IQCH: variants seen among roughly 807,000 people sequenced by gnomAD.
IQCH encodes the protein IQ motif containing H.
In IQCH, 98 loss-of-function variants were observed where a neutral mutation model predicts 117.0. The ratio of observed to expected loss-of-function variants is 0.84; its 90% CI spans 0.71 to 0.99. IQCH has a LOEUF of 0.99. Among genes scored for constraint, IQCH ranks in the 50% least tolerant of loss-of-function variants. The probability of loss-of-function intolerance (pLI) is 0.00; values close to 1 mark genes in which losing one functional copy is unlikely to be tolerated. For missense variants in IQCH, 1,102 were observed against 1,243.8 expected (o/e 0.89, Z 1.72); for synonymous variants, 412 against 448.2 (o/e 0.92, Z 1.02).
chr15:67,379,033 C>G (rs1470127246), intron 10 of IQCH, among the ~76,000 whole-genome samples: 1 of 152,062 alleles, frequency 6.6e-6, no homozygotes, highest in African/African-American at 2.4e-5. Context: ...ACTACCAACA[C>G]TAATCTAAAT....
intron 1 of IQCH, among the ~76,000 whole-genome samples, chr15:67,256,012 T>C (rs1965169616): frequency 6.6e-6 from 1 of 151,946 alleles, no homozygotes; most frequent in African/African-American, 2.4e-5. Context: ...AGTTCAGGGG[T>C]CCCCAGAACC....
At chr15:67,347,977 A>G (rs1596232346) in intron 6 of IQCH, among the ~76,000 whole-genome samples, 1 of 151,026 alleles carries the variant, frequency 6.6e-6, no homozygotes, top group Non-Finnish European at 1.5e-5. Flanking sequence ...GGCTGTTTCA[A>G]CATTTAAATA....
rs1167269414 is a variant in IQCH, at chr15:67,493,862, A to G, written c.2862-396A>G. 6.6e-6 allele frequency among the ~76,000 whole-genome samples: 1 copy of G among 152,044 alleles called. No individual in the cohort carries two copies. The highest frequency in any genetic ancestry group is 1.5e-5 in the Non-Finnish European group (1 of 68,002). Reference sequence around the variant, plus strand: ...TGTGATGTTCCCTACCCTGTGTCCAAGTGTTCTCACTGTTCAGTTCCCACC... The same window carrying G: ...TGTGATGTTCCCTACCCTGTGTCCAGGTGTTCTCACTGTTCAGTTCCCACC... On this transcript the variant is annotated intron_variant, in intron 19 of 20. Coordinates refer to ENST00000335894, the MANE Select transcript of IQCH (RefSeq NM_001031715.3). The surrounding 1 kb of genome is among the most constrained non-coding windows in gnomAD (Gnocchi z 5.1).
rs118188353 is a variant in IQCH, at chr15:67,323,175, T to C, written c.388-13800T>C. The stretch of plus-strand genomic sequence containing the variant: ...TGCCACTATCACAACTATCTTTCTA[T>C]TTGTTTTCTATTTATCCCATCCATT... On this transcript the variant is annotated intron_variant, in intron 4 of 20. Transcript: ENST00000335894. Among the ~76,000 whole-genome samples the C allele has an allele frequency of 4.6e-5, 7 of 152,236 alleles. No individual in the cohort carries two copies. The East Asian group carries it at 1.2e-3, about 25-fold the overall frequency.
intron 3 of IQCH, among the ~76,000 whole-genome samples, chr15:67,270,375 T>G (rs898960682): frequency 3.9e-5 from 6 of 152,228 alleles, no homozygotes; most frequent in Non-Finnish European, 7.3e-5. Flanking sequence ...ATGGCATTTA[T>G]TATTTTCAGG....
rs753591951 is a variant in IQCH at position 67,475,804 on chromosome 15, G to A, written c.2785G>A (p.Gly929Ser). 6.2e-7 allele frequency: 1 copy of A among 1,614,082 alleles called. No individual in the cohort carries two copies. The highest frequency in any genetic ancestry group is 1.7e-5 in the Admixed American group (1 of 60,020). Residue 929 changes from glycine to serine, a missense_variant, in exon 18 of 21, where the codon GGC becomes AGC. Physicochemically the swap from Gly to Ser is moderately conservative, Grantham distance 56. This residue lies in a region of IQCH where 650 missense variants were observed against 794.3 expected (regional missense o/e 0.82). Coordinates refer to ENST00000335894, the MANE Select transcript of IQCH (RefSeq NM_001031715.3). This position sits in a 1 kb window ranked among gnomAD's most constrained non-coding sequence, Gnocchi z 5.7. ...FLQICRAHGI[G>S]YDVEERQGTV... The stretch of plus-strand genomic sequence containing the variant: ...CCAGATCTGTAGGGCCCATGGCATT[G>A]GCTATGATGTTGAGGTATGAAGGGT...
chr15:67,350,758 G>T (rs1353338312), intron 6 of IQCH, among the ~76,000 whole-genome samples: 3 of 152,056 alleles, frequency 2.0e-5, no homozygotes, highest in Non-Finnish European at 2.9e-5. Flanking sequence ...TGTGGTGATG[G>T]TTATATGACT....
chr15:67,445,565 A>C lies in IQCH; in HGVS notation c.2506-19562A>C, dbSNP rs534897634. On this transcript the variant is annotated intron_variant, in intron 16 of 20. Coordinates refer to ENST00000335894, the MANE Select transcript of IQCH (RefSeq NM_001031715.3). This position sits in a 1 kb window ranked among gnomAD's most constrained non-coding sequence, Gnocchi z 4.3. ...GCAATTCTTCTGCCTCAGCCTCCCA[A>C]GTAGCTGGGGTTGCAGGTGTGTGCC... Among the ~76,000 whole-genome samples the C allele has an allele frequency of 6.6e-6, 1 of 152,170 alleles. No homozygotes were observed. The highest frequency in any genetic ancestry group is 2.4e-5 in the African/African-American group (1 of 41,498).
In IQCH at chr15:67,430,564, C is replaced by T. The variant is rs2081998520; in HGVS notation, c.2505+8987C>T. 6.6e-6 allele frequency among the ~76,000 whole-genome samples: 1 copy of T among 151,930 alleles called. No individual in the cohort carries two copies. The highest frequency in any genetic ancestry group is 2.1e-4 in the South Asian group (1 of 4,824). On this transcript the variant is annotated intron_variant, in intron 16 of 20. Coordinates refer to ENST00000335894, the MANE Select transcript of IQCH (RefSeq NM_001031715.3). The surrounding 1 kb of genome is among the most constrained non-coding windows in gnomAD (Gnocchi z 5.1). ...TTTTTTTAATCCTTTAGAAAATGTA[C>T]TAGGCCTTGAATTTTTTTTACCTCT...
intron 4 of IQCH, among the ~76,000 whole-genome samples, chr15:67,321,233 G>T (rs915703627): frequency 1.3e-5 from 2 of 152,050 alleles, no homozygotes; most frequent in Non-Finnish European, 2.9e-5. Context: ...AGATGCCCAC[G>T]CTTCAGATAG....
At chr15:67,275,613 C>T (rs1274900598) in intron 3 of IQCH, among the ~76,000 whole-genome samples, 2 of 152,138 alleles carry the variant, frequency 1.3e-5, no homozygotes, top group African/African-American at 4.8e-5. Context: ...TGTGGTGGCT[C>T]ATGCCTGTAA....
intron 1 of IQCH, 163 bp downstream of exon 1, chr15:67,255,110 C>T: frequency 1.5e-6 from 1 of 679,332 alleles, no homozygotes; most frequent in Non-Finnish European, 2.7e-6. Flanking sequence ...CCTTCCCCCA[C>T]GGCCCAGCAC....
At chr15:67,266,212 A>C (rs1316252875) in intron 3 of IQCH, among the ~76,000 whole-genome samples, 1 of 151,494 alleles carries the variant, frequency 6.6e-6, no homozygotes, top group Non-Finnish European at 1.5e-5. Context: ...AGTAAGATAA[A>C]GATAAAATAA....
intron 10 of IQCH, among the ~76,000 whole-genome samples, chr15:67,379,381 T>A (rs1021752988): frequency 6.6e-6 from 1 of 152,244 alleles, no homozygotes; most frequent in Non-Finnish European, 1.5e-5. Context: ...ATAAACTTTT[T>A]GTCTTTTGTA....
rs900192112 is a variant in IQCH, at chr15:67,387,916, A to T, written c.1457-915A>T. ...CCTGCTTGCCTAAGAAAACGTTTAC[A>T]GTGCTCCCTCCTCTGAACTTCTCTA... is the stretch of plus-strand genomic sequence containing the variant. On this transcript the variant is annotated intron_variant, in intron 11 of 20. Coordinates refer to ENST00000335894, the MANE Select transcript of IQCH (RefSeq NM_001031715.3). This position sits in a 1 kb window ranked among gnomAD's most constrained non-coding sequence, Gnocchi z 4.8. 2.0e-5 allele frequency among the ~76,000 whole-genome samples: 3 copies of T among 152,204 alleles called. No homozygotes were observed. Among genetic ancestry groups the T allele is most frequent in the African/African-American group, 7.2e-5 (3 of 41,448 alleles).
intron 16 of IQCH, among the ~76,000 whole-genome samples, chr15:67,435,632 G>A (rs951328297): frequency 1.3e-5 from 2 of 152,052 alleles, no homozygotes; most frequent in African/African-American, 4.8e-5. Context: ...CAGCACTTTG[G>A]GAGGCTGAGG....
intron 8 of IQCH, chr15:67,371,311 T>C: frequency 2.7e-6 from 1 of 369,742 alleles, no homozygotes; most frequent in Non-Finnish European, 4.8e-6. Flanking sequence ...AAAAAATTGC[T>C]CAGCATCCGA....
rs752322504 is a variant in IQCH, at chr15:67,366,310, A to G, written c.754-5801A>G. The stretch of plus-strand genomic sequence containing the variant: ...GAATATTAGAGGTATAACAGAAAAG[A>G]TGAAATCAATGCAGCAGTAAAATGA... On this transcript the variant is annotated intron_variant, in intron 8 of 20. Coordinates refer to ENST00000335894, the MANE Select transcript of IQCH (RefSeq NM_001031715.3). The surrounding 1 kb of genome is among the most constrained non-coding windows in gnomAD (Gnocchi z 4.4). Among the ~76,000 whole-genome samples, 4 of 152,250 alleles carry G rather than the reference A, an allele frequency of 2.6e-5. No homozygotes were observed. Among genetic ancestry groups the G allele is most frequent in the Non-Finnish European group, 4.4e-5 (3 of 68,046 alleles).
At chr15:67,322,532 A>G (rs1968184283) in intron 4 of IQCH, among the ~76,000 whole-genome samples, 1 of 152,106 alleles carries the variant, frequency 6.6e-6, no homozygotes, top group Admixed American at 6.5e-5. Flanking sequence ...TTCCTTGTCT[A>G]CTTTGCCAAC....
Sources: gnomAD v4.1 joint callset for allele counts (sites outside exome capture counted in the v4.1 genomes callset) on GRCh38, gnomAD v4.1.1 for gene constraint, gnomAD v4.1.1 regional missense constraint, Gnocchi (gnomAD v3.1) non-coding constraint, MANE v1.5 for transcripts, NCBI Gene and HGNC (gene_info 2026-07-23, HGNC 2026-07-21) for gene names.